The following ERMP1 variants were observed in gnomAD, a reference collection of about 807,000 sequenced individuals.
ERMP1 encodes the protein endoplasmic reticulum metallopeptidase 1.
A neutral mutation model predicts 92.0 loss-of-function variants in ERMP1; 86 were observed. The observed-to-expected ratio is 0.93, with a 90% confidence interval of 0.79 to 1.12. The LOEUF is 1.12. ERMP1 is among the 50% of genes most tolerant of loss of function. The pLI, the probability that ERMP1 is intolerant of heterozygous loss-of-function variation, is 0.00. For missense variants in ERMP1, 1,342 were observed against 1,116.3 expected (o/e 1.20, Z -2.88); for synonymous variants, 530 against 412.8 (o/e 1.28, Z -3.44).
At chr9:5,859,948 A>C (rs1396206573) in intron 5 of ERMP1, among the ~76,000 whole-genome samples, 1 of 152,196 alleles carries the variant, frequency 6.6e-6, no homozygotes, top group Non-Finnish European at 1.5e-5. Flanking sequence ...TAGTACCAGA[A>C]TTTTTAATAT....
chr9:5,830,432 C>T (rs1176826759), intron 2 of ERMP1, among the ~76,000 whole-genome samples: 2 of 152,188 alleles, frequency 1.3e-5, no homozygotes, highest in Non-Finnish European at 1.5e-5. Flanking sequence ...CTAGGACACA[C>T]ACACTGTCTG....
At position 5,790,868 on chromosome 9, in the gene ERMP1, G is replaced by A. The variant is rs539442968; in HGVS notation, c.2387-3275C>T. Among the ~76,000 whole-genome samples, 33 of 152,206 alleles carry A rather than the reference G, an allele frequency of 2.2e-4. No individual in the cohort carries two copies. The South Asian group carries it at 6.8e-3, about 32-fold the overall frequency. The stretch of plus-strand genomic sequence containing the variant: ...AAGACACATCAATTGAGCTTTGTGG[G>A]GTGATGGAAATGTTTTATATCTTCA... On this transcript the variant is annotated intron_variant, in intron 13 of 14. Coordinates refer to ENST00000339450, the MANE Select transcript of ERMP1 (RefSeq NM_024896.3).
At chr9:5,855,199 C>G (rs1301646049) in intron 6 of ERMP1, among the ~76,000 whole-genome samples, 2 of 152,094 alleles carry the variant, frequency 1.3e-5, no homozygotes, top group Non-Finnish European at 2.9e-5. Context: ...AAAATAGAAG[C>G]TAAATCCTTT....
At chr9:5,845,456 GAA>G (rs930063040) in intron 6 of ERMP1, among the ~76,000 whole-genome samples, 14 of 152,162 alleles carry the variant, frequency 9.2e-5, no homozygotes, top group African/African-American at 3.4e-4. Context: ...GGAGGAGGAT[GAA>G]GAGAGAGAGA....
chr9:5,860,313 G>A (rs1034620418), intron 5 of ERMP1, among the ~76,000 whole-genome samples: 2 of 151,592 alleles, frequency 1.3e-5, no homozygotes, highest in African/African-American at 2.4e-5. Flanking sequence ...AAGAAGGAAG[G>A]AAGCATTTAT....
At chr9:5,808,590 T>C (rs1828958518) in intron 8 of ERMP1, among the ~76,000 whole-genome samples, 1 of 152,246 alleles carries the variant, frequency 6.6e-6, no homozygotes, top group Admixed American at 6.5e-5. Flanking sequence ...CCATGTCTCA[T>C]TCTAATCTTT....
At chr9:5,816,308 G>C (rs1829303469) in intron 4 of ERMP1, among the ~76,000 whole-genome samples, 1 of 152,106 alleles carries the variant, frequency 6.6e-6, no homozygotes, top group East Asian at 1.9e-4. Context: ...TATTTCTTGA[G>C]TGTGATCAAT....
chr9:5,813,049 T>G lies in ERMP1; in HGVS notation c.875-14A>C, dbSNP rs746930197. The G allele has an allele frequency of 3.1e-6, 5 of 1,612,522 alleles. No homozygotes were observed. Among genetic ancestry groups the G allele is most frequent in the Non-Finnish European group, 4.2e-6 (5 of 1,179,590 alleles). ...GATTTTCAGGACCTAAAATGAAAGA[T>G]GACAACACAATAGAAGGTATTCCGG... On this transcript the variant is annotated splice_polypyrimidine_tract_variant and intron_variant, in intron 4 of 14. Coordinates refer to ENST00000339450, the MANE Select transcript of ERMP1 (RefSeq NM_024896.3).
chr9:5,790,664 A>AAT (rs1828152714), intron 13 of ERMP1, among the ~76,000 whole-genome samples: 1 of 152,258 alleles, frequency 6.6e-6, no homozygotes, highest in Admixed American at 6.5e-5. Context: ...AAAGGCATTA[A>AAT]ATATAAAAGG....
At position 5,832,862 on chromosome 9, in the gene ERMP1, C is replaced by T. The variant is rs773878188; in HGVS notation, c.166G>A (p.Gly56Ser). ...GCGCCCCTGCTCGCGCCGCCGCTAC[C>T]CCCGGGGCTCCTCTTCCGCGTCCTC... Reference protein sequence around the residue: ...GGRTRKRSPGGSGGASRGAGT... With the variant: ...GGRTRKRSPGSSGGASRGAGT... The change falls in exon 1 of 15, where the codon GGT becomes AGT. Residue 56 changes from glycine to serine, a missense_variant. Transcript: ENST00000339450. 6 of 1,519,562 alleles carry T rather than the reference C, an allele frequency of 3.9e-6. No homozygotes were observed. Among genetic ancestry groups the T allele is most frequent in the Non-Finnish European group, 5.3e-6 (6 of 1,142,728 alleles). 94.1% of individuals were successfully genotyped at this position (1,519,562 alleles called of 1,614,324 possible).
Position 5,810,094 on chromosome 9 carries a change from A to G in ERMP1, c.1465T>C (p.Tyr489His). ...GTTCCATACAGACAAACGGAGACAT[A>G]GAAGTGGTTATACCATGAGAGAGAC... ...GQSLSWYNHF[Y>H]VSVCLYGTAT... The change falls in exon 8 of 15, where the codon TAT becomes CAT. Residue 489 changes from tyrosine to histidine, a missense_variant. By Grantham distance (83) the Tyr-to-His change is moderately conservative. Coordinates refer to ENST00000339450, the MANE Select transcript of ERMP1 (RefSeq NM_024896.3). The G allele has an allele frequency of 1.2e-6, 2 of 1,614,000 alleles. No individual in the cohort carries two copies. The highest frequency in any genetic ancestry group is 1.3e-5 in the African/African-American group (1 of 75,070).
intron 4 of ERMP1, among the ~76,000 whole-genome samples, chr9:5,818,364 AT>A (rs1829401505): frequency 6.6e-6 from 1 of 152,230 alleles, no homozygotes; most frequent in African/African-American, 2.4e-5. Flanking sequence ...AAAGAAAAAA[AT>A]TATCATGACC....
chr9:5,832,411 C>G, intron 1 of ERMP1: 1 of 412,018 alleles, frequency 2.4e-6, no homozygotes. Flanking sequence ...CACAACCAAC[C>G]ATCTGCACGA....
At chr9:5,845,339 G>A (rs1830222470) in intron 6 of ERMP1, among the ~76,000 whole-genome samples, 1 of 152,048 alleles carries the variant, frequency 6.6e-6, no homozygotes, top group African/African-American at 2.4e-5. Flanking sequence ...AAGGCGGGAG[G>A]ATCACTTGAA....
At chr9:5,839,920 A>G (rs183080402) in intron 6 of ERMP1, among the ~76,000 whole-genome samples, 3 of 152,238 alleles carry the variant, frequency 2.0e-5, no homozygotes, top group Admixed American at 6.5e-5. Flanking sequence ...TGTCCTACCC[A>G]CCTACTTGGT....
At chr9:5,789,842 C>A (rs1828100381) in intron 13 of ERMP1, among the ~76,000 whole-genome samples, 1 of 134,742 alleles carries the variant, frequency 7.4e-6, no homozygotes, top group Admixed American at 7.7e-5. Context: ...TGCTACAAAC[C>A]TGGCCTTTTT....
At chr9:5,853,886 G>A (rs897011901) in intron 6 of ERMP1, among the ~76,000 whole-genome samples, 3 of 151,244 alleles carry the variant, frequency 2.0e-5, no homozygotes, top group African/African-American at 7.3e-5. Flanking sequence ...CTGCTCTAGG[G>A]TGGTGAGACT....
chr9:5,853,420 T>C (rs1830333414), intron 6 of ERMP1, among the ~76,000 whole-genome samples: 1 of 152,162 alleles, frequency 6.6e-6, no homozygotes, highest in African/African-American at 2.4e-5. Flanking sequence ...CCTGTTGCTG[T>C]GCTCAGAGAT....
Position 5,797,899 on chromosome 9 carries a change from AG to A in ERMP1, c.2303del (p.Ser768PhefsTer21). On this transcript the variant is annotated frameshift_variant, in exon 13 of 15. Coordinates refer to ENST00000339450, the MANE Select transcript of ERMP1 (RefSeq NM_024896.3). LOFTEE classifies it high-confidence loss of function. ...KNWYLPAPEV[S>X]PRNPPHFRLI... ...GTCGGAAATGAGGAGGATTTCTTGG[AG>A]AAACTTCTGGGGCAGGAAGATACCA... 1 of 1,613,670 alleles carries A rather than the reference AG, an allele frequency of 6.2e-7. No individual in the cohort carries two copies. Among genetic ancestry groups the A allele is most frequent in the Non-Finnish European group, 8.5e-7 (1 of 1,179,686 alleles).
Sources: gnomAD v4.1 joint callset for allele counts (sites outside exome capture counted in the v4.1 genomes callset) on GRCh38, gnomAD v4.1.1 for gene constraint, MANE v1.5 for transcripts, NCBI Gene and HGNC (gene_info 2026-07-23, HGNC 2026-07-21) for gene names.